The following DIP2C variants were observed in gnomAD, a reference collection of about 807,000 sequenced individuals.
The protein encoded by DIP2C is disco-interacting protein 2 homolog C.
A neutral mutation model predicts 192.4 loss-of-function variants in DIP2C; 33 were observed. The ratio of observed to expected loss-of-function variants is 0.17; its 90% confidence interval spans 0.13 to 0.23. The LOEUF (loss-of-function observed/expected upper bound fraction) is 0.23. DIP2C is among the 10% of genes least tolerant of loss of function. The pLI is 1.00. For missense variants in DIP2C, 1,537 were observed against 2,110.1 expected (o/e 0.73, Z 5.32); for synonymous variants, 979 against 864.1 (o/e 1.13, Z -2.33).
intron 10 of DIP2C, among the ~76,000 whole-genome samples, chr10:394,372 C>A (rs1366216894): frequency 2.0e-5 from 3 of 150,618 alleles, no homozygotes; most frequent in Admixed American, 2.0e-4. Flanking sequence ...TGCTATTCAG[C>A]CTTCAGCGAG....
intron 4 of DIP2C, among the ~76,000 whole-genome samples, chr10:434,233 C>T (rs1589787606): frequency 6.6e-6 from 1 of 152,166 alleles, no homozygotes; most frequent in South Asian, 2.1e-4. Flanking sequence ...TACATTAAAT[C>T]TATTAAGAAA....
chr10:415,692 C>A (rs1387243352), intron 7 of DIP2C, 77 bp downstream of exon 7: 6 of 1,567,596 alleles, frequency 3.8e-6, no homozygotes, highest in Non-Finnish European at 4.3e-6. Context: ...AGTAAAATAG[C>A]CTTGCAGAAA....
Position 367,455 on chromosome 10 carries a change from A to T in DIP2C, c.2132-1044T>A, listed in dbSNP as rs893429388. On this transcript the variant is annotated intron_variant, in intron 18 of 36. Transcript: ENST00000280886. ...AAAAGTTCACATTAAATTTACACTG[A>T]AAGATTCTTCACCCATCAGATTGGT... Among the ~76,000 whole-genome samples, 4 of 152,102 alleles carry T rather than the reference A, an allele frequency of 2.6e-5. No individual in the cohort carries two copies. In the South Asian group the frequency reaches 6.2e-4, roughly 24 times the overall value.
In DIP2C at chr10:464,528, T is replaced by C. The variant is rs953230484; in HGVS notation, c.268+7911A>G. 1.3e-3 allele frequency among the ~76,000 whole-genome samples: 201 copies of C among 149,024 alleles called. 1 individual carries two copies. The highest frequency in any genetic ancestry group is 4.8e-4 in the Non-Finnish European group (32 of 67,064). On this transcript the variant is annotated intron_variant, in intron 3 of 36. Coordinates refer to ENST00000280886, the MANE Select transcript of DIP2C (RefSeq NM_014974.3). ...TGGAGAGGATGTGAAGAAACACCAC[T>C]GAGGGAAGTGTAAATTAGTTCAACC...
chr10:431,818 C>A (rs1966858806), intron 4 of DIP2C, among the ~76,000 whole-genome samples: 1 of 152,136 alleles, frequency 6.6e-6, no homozygotes, highest in African/African-American at 2.4e-5. Flanking sequence ...TTCCTGATCC[C>A]CTTTCCGGAT....
intron 2 of DIP2C, among the ~76,000 whole-genome samples, chr10:477,761 GAAGAAA>G (rs1843182688): frequency 1.0e-5 from 1 of 96,848 alleles, no homozygotes; most frequent in African/African-American, 3.1e-5. Flanking sequence ...AAAGGAGAGA[GAAGAAA>G]AAGGAAAAGA....
At chr10:461,278 G>A (rs1199826006) in intron 3 of DIP2C, among the ~76,000 whole-genome samples, 4 of 152,172 alleles carry the variant, frequency 2.6e-5, no homozygotes, top group South Asian at 2.1e-4. Flanking sequence ...GTCAAGACCC[G>A]TTGGTGTGCT....
chr10:545,424 G>T (rs953627068), intron 1 of DIP2C, among the ~76,000 whole-genome samples: 1 of 152,060 alleles, frequency 6.6e-6, no homozygotes, highest in African/African-American at 2.4e-5. Context: ...CCAAAATGCT[G>T]GGATTACAGG....
intron 1 of DIP2C, among the ~76,000 whole-genome samples, chr10:547,958 T>C (rs937262402): frequency 3.3e-5 from 5 of 152,324 alleles, no homozygotes; most frequent in Non-Finnish European, 7.4e-5. Flanking sequence ...GGACCTGTTC[T>C]GCCTTCAAAT....
Position 297,227 on chromosome 10 carries a change from C to A in DIP2C, c.3987-8806G>T, listed in dbSNP as rs186524675. Among the ~76,000 whole-genome samples, 46 of 120,974 alleles carry A rather than the reference C, an allele frequency of 3.8e-4. No homozygotes were observed. In the Admixed American group the frequency reaches 3.9e-3, roughly 10 times the overall value. 79.4% of individuals were successfully genotyped at this position (120,974 alleles called of 152,430 possible). A position where few individuals can be genotyped will look rare whatever the true frequency, so the allele number is the denominator to read the frequency against. On this transcript the variant is annotated intron_variant, in intron 32 of 36. Coordinates refer to ENST00000280886, the MANE Select transcript of DIP2C (RefSeq NM_014974.3). ...CAAAACAAAACAAAACCAACCCCCCCCCACCCCACCACATACACACACACA... is the reference window on the plus strand; with the variant it reads ...CAAAACAAAACAAAACCAACCCCCCACCACCCCACCACATACACACACACA...
chr10:295,788 C>G (rs1453725916), intron 32 of DIP2C, among the ~76,000 whole-genome samples: 1 of 152,012 alleles, frequency 6.6e-6, no homozygotes, highest in African/African-American at 2.4e-5. Context: ...GTGGGCTGAT[C>G]ACAAGGTCAG....
At chr10:482,381 C>T (rs568467078) in intron 2 of DIP2C, among the ~76,000 whole-genome samples, 6 of 152,098 alleles carry the variant, frequency 3.9e-5, no homozygotes, top group South Asian at 2.1e-4. Context: ...GCTGCTCACG[C>T]GACCCCATGA....
At chr10:637,755 G>A (rs1564292299) in intron 1 of DIP2C, among the ~76,000 whole-genome samples, 1 of 152,198 alleles carries the variant, frequency 6.6e-6, no homozygotes, top group Non-Finnish European at 1.5e-5. Context: ...AAACAAAGAG[G>A]TCTTCAGAGG....
intron 1 of DIP2C, among the ~76,000 whole-genome samples, chr10:597,450 C>T (rs968809987): frequency 9.6e-5 from 9 of 94,132 alleles, no homozygotes; most frequent in African/African-American, 1.9e-4. Context: ...ATCCCAGTGC[C>T]CCCCTACAAT....
chr10:432,747 T>C (rs1340708971), intron 4 of DIP2C, among the ~76,000 whole-genome samples: 1 of 152,226 alleles, frequency 6.6e-6, no homozygotes, highest in Non-Finnish European at 1.5e-5. Context: ...TGGGAGCTTA[T>C]TGATTTCAGA....
At chr10:312,170 C>T (rs916872803) in intron 31 of DIP2C, among the ~76,000 whole-genome samples, 4 of 152,192 alleles carry the variant, frequency 2.6e-5, no homozygotes, top group African/African-American at 7.2e-5. Context: ...AGCAAATGTG[C>T]TCTGTTGCTG....
At chr10:671,034 G>A (rs1255896819) in intron 1 of DIP2C, among the ~76,000 whole-genome samples, 1 of 152,224 alleles carries the variant, frequency 6.6e-6, no homozygotes, top group Non-Finnish European at 1.5e-5. Flanking sequence ...GCTGGGATCT[G>A]CCCCGAGGCC....
At chr10:550,574 A>C (rs1033335513) in intron 1 of DIP2C, among the ~76,000 whole-genome samples, 1 of 152,188 alleles carries the variant, frequency 6.6e-6, no homozygotes, top group African/African-American at 2.4e-5. Context: ...TGCTATTACA[A>C]CAATCAGATC....
At chr10:381,913 A>T (rs565038298) in intron 17 of DIP2C, among the ~76,000 whole-genome samples, 2 of 152,274 alleles carry the variant, frequency 1.3e-5, no homozygotes, top group African/African-American at 4.8e-5. Context: ...CCAGCCTTGG[A>T]TGGGCCGTTG....
Sources: gnomAD v4.1 joint callset for allele counts (sites outside exome capture counted in the v4.1 genomes callset) on GRCh38, gnomAD v4.1.1 for gene constraint, MANE v1.5 for transcripts, NCBI Gene and HGNC (gene_info 2026-07-23, HGNC 2026-07-21) for gene names.